The following PARD3B variants were observed in gnomAD, a reference collection of about 807,000 sequenced individuals.
The protein encoded by PARD3B is partitioning defective 3 homolog B.
Under a neutral mutation model 130.2 loss-of-function variants are expected in PARD3B, and 103 were observed. The ratio of observed to expected loss-of-function variants is 0.79; its 90% CI spans 0.67 to 0.93. The LOEUF (loss-of-function observed/expected upper bound fraction) is 0.93, where lower values mean the gene tolerates loss of function less well. PARD3B is among the 40% of genes least tolerant of loss of function. PARD3B has a pLI of 0.00. For synonymous variants in PARD3B, 583 were observed against 553.2 expected, an observed-to-expected ratio of 1.05 and a Z score of -0.76; for missense variants, 1,609 against 1,499.2, an observed-to-expected ratio of 1.07 and a Z score of -1.21.
At chr2:204,555,319 G>A (rs2030844903) in intron 1 of PARD3B, among the ~76,000 whole-genome samples, 1 of 152,086 alleles carries the variant, frequency 6.6e-6, no homozygotes, top group Admixed American at 6.6e-5. Flanking sequence ...AGCACTTTGG[G>A]GGCTGAGGTG....
chr2:205,100,054 A>G (rs1702653295), intron 4 of PARD3B, among the ~76,000 whole-genome samples: 1 of 152,122 alleles, frequency 6.6e-6, no homozygotes, highest in South Asian at 2.1e-4. Flanking sequence ...TGATATTTCC[A>G]TATACTCAGA....
intron 1 of PARD3B, among the ~76,000 whole-genome samples, chr2:204,640,466 T>A (rs188681894): frequency 2.0e-5 from 3 of 152,280 alleles, no homozygotes; most frequent in Admixed American, 1.3e-4. Flanking sequence ...TGGGGTTGGC[T>A]GCCATGTCTT....
In PARD3B at chr2:205,057,601, A is replaced by ATGTG. The variant is rs1699778481; in HGVS notation, c.504+9912_504+9913insGTGT. On this transcript the variant is annotated intron_variant, in intron 4 of 22. Coordinates refer to ENST00000406610, the MANE Select transcript of PARD3B (RefSeq NM_001302769.2). ...TGTATGTGTATACGTATATATACATATATGTGTATGTGTATGTGTATACGT... is the reference window on the plus strand; with the variant it reads ...TGTATGTGTATACGTATATATACATATGTGTATGTGTATGTGTATGTGTATACGT... Among the ~76,000 whole-genome samples the ATGTG allele has an allele frequency of 2.7e-5, 2 of 73,632 alleles. 1 individual carries two copies. The highest frequency in any genetic ancestry group is 1.0e-4 in the African/African-American group (2 of 19,182). 48.3% of individuals were successfully genotyped at this position (73,632 alleles called of 152,430 possible).
intron 20 of PARD3B, among the ~76,000 whole-genome samples, chr2:205,443,914 G>A (rs1437033980): frequency 6.6e-6 from 1 of 152,134 alleles, no homozygotes; most frequent in Non-Finnish European, 1.5e-5. Flanking sequence ...GGGTAAGGGG[G>A]AATCACTTGA....
chr2:205,602,365 T>C (rs1254854737), intron 22 of PARD3B, among the ~76,000 whole-genome samples: 1 of 152,234 alleles, frequency 6.6e-6, no homozygotes, highest in Non-Finnish European at 1.5e-5. Context: ...TGGCAGGTTT[T>C]GATATTAGGA....
intron 4 of PARD3B, among the ~76,000 whole-genome samples, chr2:205,053,517 G>A (rs1699379364): frequency 6.6e-6 from 1 of 151,914 alleles, no homozygotes. Context: ...GTGTGTGCCT[G>A]TAATCCCAAG....
chr2:204,553,604 A>ATATATATG (rs1256009000), intron 1 of PARD3B, among the ~76,000 whole-genome samples: 2 of 139,640 alleles, frequency 1.4e-5, no homozygotes, highest in Non-Finnish European at 3.0e-5. Flanking sequence ...ATATATATGT[A>ATATATATG]TATATATGGC....
chr2:205,264,309 G>GT (rs1285661241), intron 16 of PARD3B, among the ~76,000 whole-genome samples: 1 of 150,984 alleles, frequency 6.6e-6, no homozygotes. Flanking sequence ...ACAGCCATTA[G>GT]TTTTTTGGTT....
chr2:205,228,881 G>C, intron 15 of PARD3B, among the ~76,000 whole-genome samples: 1 of 152,132 alleles, frequency 6.6e-6, no homozygotes, highest in East Asian at 1.9e-4. Context: ...CAGTTCTGCT[G>C]TTAAGAGAAT....
chr2:205,616,205 GT>G lies in PARD3B; in HGVS notation c.*393del. 1 of 178,062 alleles carries G rather than the reference GT, an allele frequency of 5.6e-6. No homozygotes were observed. The highest frequency in any genetic ancestry group is 5.9e-5 in the Admixed American group (1 of 16,936). 11.0% of individuals were successfully genotyped at this position (178,062 alleles called of 1,614,324 possible). A position where few individuals can be genotyped will look rare whatever the true frequency, so the allele number is the denominator to read the frequency against. On this transcript the variant is annotated 3_prime_UTR_variant, in exon 23 of 23. Transcript: ENST00000406610. ...TGGACATCCCCCTCTGAGACTGGCG[GT>G]CCAGAGGCAGTCTCTGCCAGGCAGC...
chr2:204,980,433 T>C (rs1269813294), intron 3 of PARD3B, among the ~76,000 whole-genome samples: 1 of 152,124 alleles, frequency 6.6e-6, no homozygotes, highest in Non-Finnish European at 1.5e-5. Context: ...ATAATATATA[T>C]AGATAGTACT....
intron 18 of PARD3B, among the ~76,000 whole-genome samples, chr2:205,317,255 A>G (rs1489475028): frequency 6.6e-6 from 1 of 152,196 alleles, no homozygotes; most frequent in African/African-American, 2.4e-5. Flanking sequence ...TTCATCTGGA[A>G]GATGCATACT....
intron 2 of PARD3B, among the ~76,000 whole-genome samples, chr2:204,693,148 C>A (rs1257197378): frequency 6.6e-6 from 1 of 151,972 alleles, no homozygotes; most frequent in African/African-American, 2.4e-5. Flanking sequence ...CTTGAACTTG[C>A]AGTTATTTTA....
At position 204,545,953 on chromosome 2, in the gene PARD3B, G is replaced by A. The variant is rs747760968; in HGVS notation, c.-47G>A. The A allele has an allele frequency of 6.0e-6, 9 of 1,511,202 alleles. No homozygotes were observed. The African/African-American group carries it at 1.1e-4, about 19-fold the overall frequency. 93.6% of individuals were successfully genotyped at this position (1,511,202 alleles called of 1,614,324 possible). A position where few individuals can be genotyped will look rare whatever the true frequency, so the allele number is the denominator to read the frequency against. The stretch of plus-strand genomic sequence containing the variant: ...CGAGAGTGGGGGCTGCGCCCGCGGG[G>A]TCAGACACCTGTTCGGCCCGGCCCG... On this transcript the variant is annotated 5_prime_UTR_variant, in exon 1 of 23. Coordinates refer to ENST00000406610, the MANE Select transcript of PARD3B (RefSeq NM_001302769.2).
chr2:204,838,571 G>A (rs949157240), intron 2 of PARD3B, among the ~76,000 whole-genome samples: 4 of 152,086 alleles, frequency 2.6e-5, no homozygotes, highest in African/African-American at 9.7e-5. Flanking sequence ...GGATGGAAGG[G>A]TATGCTGTGC....
Position 204,887,964 on chromosome 2 carries a change from G to C in PARD3B, c.223-77188G>C, listed in dbSNP as rs985509442. Among the ~76,000 whole-genome samples, 2 of 152,228 alleles carry C rather than the reference G, an allele frequency of 1.3e-5. No homozygotes were observed. Among genetic ancestry groups the C allele is most frequent in the East Asian group, 3.9e-4 (2 of 5,154 alleles). On this transcript the variant is annotated intron_variant, in intron 2 of 22. Transcript: ENST00000406610. The surrounding 1 kb of genome is among the most constrained non-coding windows in gnomAD (Gnocchi z 4.2). Reference sequence around the variant, plus strand: ...GATTCTTGAGGAATGTATGAGAACTGTTAAGACCCCAGCATTCCAACTGGG... The same window carrying C: ...GATTCTTGAGGAATGTATGAGAACTCTTAAGACCCCAGCATTCCAACTGGG...
At chr2:204,588,311 G>A (rs2032924216) in intron 1 of PARD3B, among the ~76,000 whole-genome samples, 2 of 152,152 alleles carry the variant, frequency 1.3e-5, no homozygotes, top group South Asian at 2.1e-4. Context: ...GATAAAGGTG[G>A]CCTGTAATAA....
intron 15 of PARD3B, among the ~76,000 whole-genome samples, chr2:205,201,872 A>G (rs1453581356): frequency 1.3e-5 from 2 of 152,198 alleles, no homozygotes; most frequent in African/African-American, 2.4e-5. Flanking sequence ...TATAATGTAT[A>G]TAGTTATATG....
chr2:205,217,922 C>G (rs2038036826), intron 15 of PARD3B, among the ~76,000 whole-genome samples: 1 of 103,794 alleles, frequency 9.6e-6, no homozygotes, highest in African/African-American at 3.9e-5. Context: ...TTGAGATGGT[C>G]TCTCGCTCTG....
Sources: gnomAD v4.1 joint callset for allele counts (sites outside exome capture counted in the v4.1 genomes callset) on GRCh38, gnomAD v4.1.1 for gene constraint, Gnocchi (gnomAD v3.1) non-coding constraint, MANE v1.5 for transcripts, NCBI Gene and HGNC (gene_info 2026-07-23, HGNC 2026-07-21) for gene names.